The following TULP4 variants were observed in gnomAD, a reference collection of about 807,000 sequenced individuals.
The protein encoded by TULP4 is TUB like protein 4.
TULP4 carries 16 observed loss-of-function variants against 129.0 expected under a neutral mutation model. The ratio of observed to expected loss-of-function variants is 0.12; its 90% confidence interval spans 0.08 to 0.19. The LOEUF (loss-of-function observed/expected upper bound fraction) is 0.19. Ranked by LOEUF, TULP4 falls within the 10% of genes least tolerant of loss-of-function variation. The pLI is 1.00. For synonymous variants in TULP4, 998 were observed against 854.0 expected, an observed-to-expected ratio of 1.17 and a Z score of -2.94; for missense variants, 1,842 against 2,059.1, an observed-to-expected ratio of 0.89 and a Z score of 2.04.
chr6:158,237,985 T>A, intron 1 of TULP4: 1 of 724,868 alleles, frequency 1.4e-6, no homozygotes, highest in South Asian at 1.4e-5. Context: ...TGCAGCTTCT[T>A]TTATCAAGGA....
At chr6:158,271,994 C>T (rs1267865692) in intron 1 of TULP4, among the ~76,000 whole-genome samples, 1 of 152,060 alleles carries the variant, frequency 6.6e-6, no homozygotes, top group Non-Finnish European at 1.5e-5. Context: ...ATATTTAGAA[C>T]GTTTAATTTC....
At chr6:158,476,065 G>T (rs1013858871) in intron 6 of TULP4, among the ~76,000 whole-genome samples, 1 of 152,224 alleles carries the variant, frequency 6.6e-6, no homozygotes, top group Middle Eastern at 3.4e-3. Context: ...CAGACAAGAG[G>T]GGCAGTTCTT....
chr6:158,476,678 T>G (rs1324984049), intron 6 of TULP4, among the ~76,000 whole-genome samples: 3 of 152,354 alleles, frequency 2.0e-5, no homozygotes, highest in African/African-American at 7.2e-5. Context: ...AACAGCCTGT[T>G]TCTCTTCCTA....
intron 3 of TULP4, among the ~76,000 whole-genome samples, chr6:158,438,566 A>AGTTTGTTTGTTT (rs140886476): frequency 1.4e-4 from 20 of 141,908 alleles, no homozygotes; most frequent in East Asian, 3.9e-4. Context: ...AAAACACCAC[A>AGTTTGTTTGTTT]GTTTGTTTGT....
rs1472898132 is a variant in TULP4 at position 158,406,974 on chromosome 6, CA to C, written c.253-6090del. On this transcript the variant is annotated intron_variant, in intron 1 of 13. Transcript: ENST00000367097. ...TCCCCAGATTCCAGGGCTTTGACCA[CA>C]GATCTGTTTTCTGAGTTCCTGTATT... Among the ~76,000 whole-genome samples the C allele has an allele frequency of 7.2e-5, 11 of 152,338 alleles. No individual in the cohort carries two copies. The East Asian group carries it at 2.1e-3, about 29-fold the overall frequency.
chr6:158,452,014 C>A, intron 4 of TULP4, 120 bp from the exon 5 acceptor site: 1 of 1,425,178 alleles, frequency 7.0e-7, no homozygotes, highest in Non-Finnish European at 9.6e-7. Flanking sequence ...GCATCCCAAT[C>A]CAGAGTAGGA....
intron 6 of TULP4, among the ~76,000 whole-genome samples, chr6:158,471,135 G>T (rs1299077522): frequency 1.3e-5 from 2 of 152,202 alleles, no homozygotes; most frequent in Non-Finnish European, 2.9e-5. Context: ...AGAGATTGTA[G>T]AAAGAGACAA....
chr6:158,429,555 C>CAGGCATG (rs1274153936), intron 2 of TULP4, among the ~76,000 whole-genome samples, 181 bp from the exon 3 acceptor site: 1 of 152,218 alleles, frequency 6.6e-6, no homozygotes, highest in Non-Finnish European at 1.5e-5. Context: ...TCTGGGTTTA[C>CAGGCATG]AGGCATGAGG....
intron 1 of TULP4, among the ~76,000 whole-genome samples, chr6:158,383,696 G>T (rs1358019287): frequency 6.6e-6 from 1 of 152,226 alleles, no homozygotes; most frequent in African/African-American, 2.4e-5. Flanking sequence ...CAGTGTGAAG[G>T]CTGAGCCTGG....
intron 1 of TULP4, among the ~76,000 whole-genome samples, chr6:158,362,137 G>A (rs1298575973): frequency 6.6e-6 from 1 of 152,172 alleles, no homozygotes; most frequent in African/African-American, 2.4e-5. Flanking sequence ...CTGCTGAGTA[G>A]CATCAGCTCT....
intron 1 of TULP4, among the ~76,000 whole-genome samples, chr6:158,352,205 A>G (rs1237938497): frequency 6.6e-6 from 1 of 152,220 alleles, no homozygotes; most frequent in Non-Finnish European, 1.5e-5. Context: ...TATCCATTGG[A>G]AAGACTGGCA....
At position 158,314,274 on chromosome 6, in the gene TULP4, C is replaced by G; in HGVS notation, c.252+6C>G. The G allele has an allele frequency of 6.2e-7, 1 of 1,610,856 alleles. No homozygotes were observed. The highest frequency in any genetic ancestry group is 8.5e-7 in the Non-Finnish European group (1 of 1,177,924). ...TCCGGGGCCACAATAGCGAGGTGAG[C>G]TGTGGTTTTGTTTCACTTTTTGGTC... On this transcript the variant is annotated splice_donor_region_variant and intron_variant, in intron 1 of 13. Coordinates refer to ENST00000367097, the MANE Select transcript of TULP4 (RefSeq NM_020245.5).
intron 6 of TULP4, among the ~76,000 whole-genome samples, chr6:158,463,876 A>G (rs1779498914): frequency 6.6e-6 from 1 of 152,082 alleles, no homozygotes; most frequent in African/African-American, 2.4e-5. Flanking sequence ...ACCATTTTTA[A>G]GTGTACTGTT....
intron 5 of TULP4, 139 bp from the exon 6 acceptor site, chr6:158,461,424 A>G (rs1000004803): frequency 1.3e-5 from 10 of 771,758 alleles, no homozygotes; most frequent in Non-Finnish European, 1.8e-5. Flanking sequence ...AAAAAAAAAA[A>G]AAGGAAAAAA....
At position 158,354,270 on chromosome 6, in the gene TULP4, G is replaced by A. The variant is rs538593742; in HGVS notation, c.252+40002G>A. Among the ~76,000 whole-genome samples, 33 of 152,290 alleles carry A rather than the reference G, an allele frequency of 2.2e-4. No individual in the cohort carries two copies. In the South Asian group the frequency reaches 6.6e-3, roughly 31 times the overall value. On this transcript the variant is annotated intron_variant, in intron 1 of 13. Transcript: ENST00000367097. Reference sequence around the variant, plus strand: ...AAGGAGTGAACTAATAAGGATAGAAGCTAATATATGAATAGCCTTTATGTG... The same window carrying A: ...AAGGAGTGAACTAATAAGGATAGAAACTAATATATGAATAGCCTTTATGTG...
At chr6:158,438,512 A>G (rs1417312491) in intron 3 of TULP4, among the ~76,000 whole-genome samples, 1 of 152,228 alleles carries the variant, frequency 6.6e-6, no homozygotes, top group Non-Finnish European at 1.5e-5. Flanking sequence ...GGATGTATAA[A>G]GGGAACTTTA....
chr6:158,258,674 A>G (rs1041668899), intron 1 of TULP4, among the ~76,000 whole-genome samples: 3 of 152,218 alleles, frequency 2.0e-5, no homozygotes, highest in Non-Finnish European at 2.9e-5. Flanking sequence ...GCAAAACAAA[A>G]CAATCAAATA....
At chr6:158,382,727 C>G (rs1166893192) in intron 1 of TULP4, among the ~76,000 whole-genome samples, 1 of 152,132 alleles carries the variant, frequency 6.6e-6, no homozygotes, top group East Asian at 1.9e-4. Context: ...TTAAATAACT[C>G]AGGGGATGAG....
At chr6:158,458,174 A>G (rs1779336997) in intron 5 of TULP4, among the ~76,000 whole-genome samples, 1 of 152,168 alleles carries the variant, frequency 6.6e-6, no homozygotes, top group Non-Finnish European at 1.5e-5. Context: ...TTTCTGTTAA[A>G]ATTTAGCTGC....
Sources: gnomAD v4.1 joint callset for allele counts (sites outside exome capture counted in the v4.1 genomes callset) on GRCh38, gnomAD v4.1.1 for gene constraint, MANE v1.5 for transcripts, NCBI Gene and HGNC (gene_info 2026-07-23, HGNC 2026-07-21) for gene names.